The following EVC2 variants were observed in gnomAD, a reference collection of about 807,000 sequenced individuals.
The protein encoded by EVC2 is EvC ciliary complex subunit 2, also known as limbin.
EVC2 carries 148 observed loss-of-function variants against 149.3 expected under a neutral mutation model. The ratio of observed to expected loss-of-function variants is 0.99; its 90% CI spans 0.87 to 1.14. The LOEUF (loss-of-function observed/expected upper bound fraction) is 1.14. Ranked by LOEUF, EVC2 falls within the 50% of genes most tolerant of loss-of-function variation. The probability of loss-of-function intolerance (pLI) is 0.00; values close to 1 mark genes in which losing one functional copy is unlikely to be tolerated. For synonymous variants in EVC2, 776 were observed against 649.9 expected, an observed-to-expected ratio of 1.19 and a Z score of -2.95; for missense variants, 1,854 against 1,627.3, an observed-to-expected ratio of 1.14 and a Z score of -2.40.
rs1721558281 is a variant in EVC2 at position 5,697,520 on chromosome 4, G to C, written c.283+73C>G. 7 of 1,451,524 alleles carry C rather than the reference G, an allele frequency of 4.8e-6. No homozygotes were observed. In the East Asian group the frequency reaches 1.6e-4, roughly 33 times the overall value. The allele number at this position is 1,451,524 out of a possible 1,614,324, so 89.9% of individuals were successfully genotyped here. ...GGATCAGCAGAGAGTGAGGGAGCTGGAGGAAGGAGGGCTTCAGGCTTCTGG... is the reference window on the plus strand; with the variant it reads ...GGATCAGCAGAGAGTGAGGGAGCTGCAGGAAGGAGGGCTTCAGGCTTCTGG... On this transcript the variant is annotated intron_variant, in intron 2 of 21. Coordinates refer to ENST00000344408, the MANE Select transcript of EVC2 (RefSeq NM_147127.5).
chr4:5,668,580 G>T (rs1246730230), intron 7 of EVC2, among the ~76,000 whole-genome samples: 6 of 152,118 alleles, frequency 3.9e-5, no homozygotes, highest in Non-Finnish European at 8.8e-5. Flanking sequence ...AACGTAAATA[G>T]CATTGCATGG....
intron 16 of EVC2, among the ~76,000 whole-genome samples, chr4:5,608,882 A>G (rs150190553): frequency 4.9e-4 from 75 of 152,218 alleles, no homozygotes; most frequent in African/African-American, 1.6e-3. Flanking sequence ...ACCCTCCCCA[A>G]TGTTGGTGGC....
chr4:5,616,380 C>T (rs577041649), intron 15 of EVC2, among the ~76,000 whole-genome samples: 2 of 152,148 alleles, frequency 1.3e-5, no homozygotes, highest in South Asian at 4.1e-4. Context: ...AAACTCATGT[C>T]CGTGAATGGT....
intron 7 of EVC2, among the ~76,000 whole-genome samples, chr4:5,674,494 A>G (rs1474798471): frequency 2.6e-5 from 4 of 152,116 alleles, no homozygotes; most frequent in South Asian, 4.1e-4. Context: ...CCAGAGGAAT[A>G]CTCTCAACTT....
At chr4:5,583,006 T>C (rs746656732) in intron 17 of EVC2, among the ~76,000 whole-genome samples, 9 of 152,178 alleles carry the variant, frequency 5.9e-5, no homozygotes, top group Non-Finnish European at 1.2e-4. Flanking sequence ...TGTGGAACCA[T>C]GAGCCAATTA....
chr4:5,599,322 A>C (rs1044854697), intron 16 of EVC2, among the ~76,000 whole-genome samples: 29 of 152,176 alleles, frequency 1.9e-4, no homozygotes, highest in African/African-American at 6.5e-4. Context: ...GAACCAACCC[A>C]AATGGCCAAC....
chr4:5,689,218 C>A lies in EVC2; in HGVS notation c.645G>T (p.Trp215Cys). 6.2e-7 allele frequency: 1 copy of A among 1,614,154 alleles called. No individual in the cohort carries two copies. The highest frequency in any genetic ancestry group is 8.5e-7 in the Non-Finnish European group (1 of 1,180,040). ...CCGAGGTCCTGTTTCCCACAGAGTC[C>A]CAAATGGTGAGACCAGCAATGCTGT... ...LLDSIAGLTI[W>C]DSVGNRTSEG... The change falls in exon 5 of 22, where the codon TGG (tryptophan) becomes TGT (cysteine). Residue 215 changes from tryptophan (W) to cysteine (C), a missense_variant. By Grantham distance (215) the Trp-to-Cys change is radical. Coordinates refer to ENST00000344408, the MANE Select transcript of EVC2 (RefSeq NM_147127.5).
In EVC2 at chr4:5,613,322, G is replaced by A. The variant is rs895297071; in HGVS notation, c.2829+2100C>T. Among the ~76,000 whole-genome samples the A allele has an allele frequency of 6.6e-6, 1 of 152,050 alleles. No individual in the cohort carries two copies. Among genetic ancestry groups the A allele is most frequent in the Non-Finnish European group, 1.5e-5 (1 of 68,040 alleles). The stretch of plus-strand genomic sequence containing the variant: ...ACAGTCCAGGATACCCATTCCCTCT[G>A]CCAAACCAAACCCCAGCTTTCCCTT... On this transcript the variant is annotated intron_variant, in intron 16 of 21. Coordinates refer to ENST00000344408, the MANE Select transcript of EVC2 (RefSeq NM_147127.5). This position sits in a 1 kb window ranked among gnomAD's most constrained non-coding sequence, Gnocchi z 4.6.
intron 16 of EVC2, among the ~76,000 whole-genome samples, chr4:5,598,368 G>C (rs1383779952): frequency 1.3e-5 from 2 of 150,614 alleles, no homozygotes; most frequent in Non-Finnish European, 3.0e-5. Context: ...TACCAAAACA[G>C]AGATATAGAT....
rs1410090241 is a variant in EVC2 at position 5,696,512 on chromosome 4, C to CG, written c.283+1080_283+1081insC. ...CCCACGCTGAGCCCAGGGGCCTGCA[C>CG]TGGAACTGTCACAGCCGCTGGGAAG... On this transcript the variant is annotated intron_variant, in intron 2 of 21. Coordinates refer to ENST00000344408, the MANE Select transcript of EVC2 (RefSeq NM_147127.5). This position sits in a 1 kb window ranked among gnomAD's most constrained non-coding sequence, Gnocchi z 4.1. Among the ~76,000 whole-genome samples the CG allele has an allele frequency of 3.3e-5, 5 of 152,224 alleles. No homozygotes were observed. The highest frequency in any genetic ancestry group is 3.3e-4 in the Admixed American group (5 of 15,288).
rs1400861475 is a variant in EVC2 at position 5,618,407 on chromosome 4, C to A, written c.2706+71G>T. 16 of 1,584,116 alleles carry A rather than the reference C, an allele frequency of 1.0e-5. No homozygotes were observed. The highest frequency in any genetic ancestry group is 1.4e-5 in the Non-Finnish European group (16 of 1,156,874). ...GATGGGCTCAGGCTGGGGAAGAGGC[C>A]AGACCCTGTAGGGCCAGCAGCTGGG... On this transcript the variant is annotated intron_variant, in intron 15 of 21. Coordinates refer to ENST00000344408, the MANE Select transcript of EVC2 (RefSeq NM_147127.5). This position sits in a 1 kb window ranked among gnomAD's most constrained non-coding sequence, Gnocchi z 4.4.
At chr4:5,628,787 T>C (rs2108847384) in intron 11 of EVC2, 53 bp from the exon 12 acceptor site, 2 of 1,523,062 alleles carry the variant, frequency 1.3e-6, no homozygotes, top group Admixed American at 1.7e-5. Flanking sequence ...ATTTAGAGCA[T>C]AATCTTTCTA....
downstream of EVC2, among the ~76,000 whole-genome samples, chr4:5,560,257 AC>A (rs1721913094): frequency 6.6e-6 from 1 of 152,036 alleles, no homozygotes; most frequent in Non-Finnish European, 1.5e-5. The surrounding 1 kb of genome is among the most constrained non-coding windows in gnomAD (Gnocchi z 4.1). Flanking sequence ...AACAGCCTTC[AC>A]CTAGAATGGC....
intron 20 of EVC2, among the ~76,000 whole-genome samples, chr4:5,565,773 T>G (rs1231815859): frequency 1.3e-5 from 2 of 151,474 alleles, no homozygotes; most frequent in Non-Finnish European, 2.9e-5. Context: ...ATCCCCAGAG[T>G]GTTCACCATT....
At position 5,622,587 on chromosome 4, in the gene EVC2, G is replaced by C. The variant is rs377709998; in HGVS notation, c.2451C>G (p.Ala817=). Residue 817 remains alanine (A), a synonymous_variant, in exon 14 of 22, where the codon GCC becomes GCG. Coordinates refer to ENST00000344408, the MANE Select transcript of EVC2 (RefSeq NM_147127.5). This position sits in a 1 kb window ranked among gnomAD's most constrained non-coding sequence, Gnocchi z 5.8. Reference sequence around the variant, plus strand: ...GCAGCTCTGCCTGCTCCTCTGTCACGGCCTCAGGAGCGTCATCCTTCAGTC... The same window carrying C: ...GCAGCTCTGCCTGCTCCTCTGTCACCGCCTCAGGAGCGTCATCCTTCAGTC... The part of the protein sequence containing the change: ...RQRLKDDAPE[A]VTEEQAELRR... 7 of 1,613,742 alleles carry C rather than the reference G, an allele frequency of 4.3e-6. No homozygotes were observed. The Admixed American group carries it at 5.0e-5, about 12-fold the overall frequency.
At chr4:5,675,256 A>G (rs1719914618) in intron 7 of EVC2, among the ~76,000 whole-genome samples, 1 of 152,220 alleles carries the variant, frequency 6.6e-6, no homozygotes, top group African/African-American at 2.4e-5. Flanking sequence ...ACCTAAATCC[A>G]GTTTTCTCCA....
intron 1 of EVC2, among the ~76,000 whole-genome samples, chr4:5,703,566 C>T (rs1488590817): frequency 6.6e-6 from 1 of 152,158 alleles, no homozygotes; most frequent in Non-Finnish European, 1.5e-5. Flanking sequence ...GGTTCCAATC[C>T]CTCAGCCACT....
At position 5,697,642 on chromosome 4, in the gene EVC2, C is replaced by G. The variant is rs767889243; in HGVS notation, c.234G>C (p.Leu78Phe). 4.3e-6 allele frequency: 7 copies of G among 1,613,844 alleles called. No homozygotes were observed. The highest frequency in any genetic ancestry group is 5.9e-6 in the Non-Finnish European group (7 of 1,179,966). Reference protein sequence around the residue: ...GAGPESSTQDLPCMIWPKVEC... With the variant: ...GAGPESSTQDFPCMIWPKVEC... ...CCACTTTGGGCCAAATCATACAGGG[C>G]AAGTCCTAAAAAATTCAAGACACAA... Residue 78 changes from leucine to phenylalanine, a missense_variant, in exon 2 of 22, where the codon TTG becomes TTC. Coordinates refer to ENST00000344408, the MANE Select transcript of EVC2 (RefSeq NM_147127.5).
At chr4:5,585,596 G>A (rs1281467085) in intron 16 of EVC2, among the ~76,000 whole-genome samples, 1 of 152,112 alleles carries the variant, frequency 6.6e-6, no homozygotes, top group African/African-American at 2.4e-5. Context: ...TAACAAAACA[G>A]CTTAATTGAG....
Sources: allele counts gnomAD v4.1 joint callset (sites outside exome capture counted in the v4.1 genomes callset), GRCh38; gene constraint gnomAD v4.1.1; non-coding constraint Gnocchi (gnomAD v3.1); transcripts MANE v1.5; gene names NCBI Gene and HGNC (gene_info 2026-07-23, HGNC 2026-07-21).